Variants in APBB2 observed in about 807,000 individuals in gnomAD.
The protein encoded by APBB2 is amyloid beta precursor protein binding family B member 2.
Under a neutral mutation model 82.5 loss-of-function variants are expected in APBB2, and 38 were observed. The ratio of observed to expected loss-of-function variants is 0.46; its 90% CI spans 0.36 to 0.60. The LOEUF is 0.60. Ranked by LOEUF, APBB2 falls within the 20% of genes least tolerant of loss-of-function variation. APBB2 has a pLI of 0.00. For missense variants in APBB2, 772 were observed against 972.3 expected (o/e 0.79, Z 2.74); for synonymous variants, 341 against 368.2 (o/e 0.93, Z 0.85).
intron 10 of APBB2, among the ~76,000 whole-genome samples, chr4:40,926,918 G>GT (rs1274341043): frequency 1.3e-5 from 2 of 152,212 alleles, no homozygotes; most frequent in East Asian, 1.9e-4. Flanking sequence ...AAAATTGCAC[G>GT]TAAGTGCCTG....
chr4:41,026,802 T>C (rs1451952463), intron 5 of APBB2, among the ~76,000 whole-genome samples: 1 of 152,250 alleles, frequency 6.6e-6, no homozygotes, highest in Non-Finnish European at 1.5e-5. Context: ...TTTTCTTCTA[T>C]GGATATGTAA....
intron 12 of APBB2, among the ~76,000 whole-genome samples, chr4:40,889,543 G>A (rs528934732): frequency 4.6e-5 from 7 of 152,286 alleles, no homozygotes; most frequent in African/African-American, 7.2e-5. Flanking sequence ...CCTATAGCTC[G>A]TCCCTAAATG....
intron 2 of APBB2, among the ~76,000 whole-genome samples, chr4:41,128,622 C>T (rs776664692): frequency 1.3e-5 from 2 of 152,210 alleles, no homozygotes; most frequent in Non-Finnish European, 2.9e-5. Flanking sequence ...ATTAATTCCA[C>T]AAACAATGGC....
At chr4:41,204,145 G>A (rs1016684383) in intron 1 of APBB2, among the ~76,000 whole-genome samples, 18 of 152,226 alleles carry the variant, frequency 1.2e-4, no homozygotes, top group Non-Finnish European at 5.9e-5. Context: ...GATAAAAGCC[G>A]AAAGGCCAGA....
At chr4:41,081,081 T>C (rs2661668) in intron 3 of APBB2, among the ~76,000 whole-genome samples, 32,640 of 152,202 alleles carry the variant, frequency 0.21, 4,467 homozygotes, top group East Asian at 0.61. Context: ...GTCAGTTCTC[T>C]TGACGTATCT....
chr4:41,105,873 G>C (rs1421873353), intron 2 of APBB2, among the ~76,000 whole-genome samples: 1 of 136,416 alleles, frequency 7.3e-6, no homozygotes, highest in African/African-American at 2.7e-5. Context: ...GCGACAGAGC[G>C]AGACCCCGTC....
chr4:41,069,623 C>G (rs1332224693), intron 3 of APBB2, among the ~76,000 whole-genome samples: 1 of 152,188 alleles, frequency 6.6e-6, no homozygotes, highest in Non-Finnish European at 1.5e-5. Flanking sequence ...TGCCTACTAA[C>G]TGGAACACTC....
chr4:40,943,594 G>A (rs986322216), intron 7 of APBB2, among the ~76,000 whole-genome samples: 2 of 152,194 alleles, frequency 1.3e-5, no homozygotes, highest in African/African-American at 4.8e-5. Context: ...CTGAGACGGT[G>A]TTGGTTCATC....
chr4:41,113,067 T>G (rs757822605), intron 2 of APBB2, among the ~76,000 whole-genome samples: 9 of 152,124 alleles, frequency 5.9e-5, no homozygotes, highest in Non-Finnish European at 1.3e-4. Flanking sequence ...AACGAGCCAC[T>G]GTATGTCTAT....
chr4:41,057,563 C>T (rs1199421590), intron 4 of APBB2, among the ~76,000 whole-genome samples: 1 of 152,186 alleles, frequency 6.6e-6, no homozygotes, highest in Non-Finnish European at 1.5e-5. Context: ...ACAAACTGAC[C>T]TATCTTATGA....
At chr4:41,118,427 C>T (rs1027215553) in intron 2 of APBB2, among the ~76,000 whole-genome samples, 1 of 152,266 alleles carries the variant, frequency 6.6e-6, no homozygotes, top group South Asian at 2.1e-4. Context: ...ACCTTTACCA[C>T]CCATATCATG....
At chr4:41,156,997 C>G (rs1039286144) in intron 1 of APBB2, among the ~76,000 whole-genome samples, 2 of 147,638 alleles carry the variant, frequency 1.4e-5, no homozygotes, top group Admixed American at 1.4e-4. Flanking sequence ...ACCCAGGAGG[C>G]AGAGGTTGCA....
chr4:41,199,448 G>T (rs147766815), intron 1 of APBB2, among the ~76,000 whole-genome samples: 1 of 152,176 alleles, frequency 6.6e-6, no homozygotes, highest in Admixed American at 6.5e-5. Context: ...TCCAAGGGCA[G>T]TACTTATAAT....
chr4:40,968,193 CG>C (rs760007641), intron 6 of APBB2, among the ~76,000 whole-genome samples: 2 of 152,178 alleles, frequency 1.3e-5, no homozygotes, highest in Non-Finnish European at 2.9e-5. Flanking sequence ...TAACTGACTA[CG>C]GTCCCAGAGC....
intron 6 of APBB2, among the ~76,000 whole-genome samples, chr4:40,977,825 A>C (rs1797561932): frequency 6.6e-6 from 1 of 152,232 alleles, no homozygotes; most frequent in African/African-American, 2.4e-5. Flanking sequence ...CATTGCTGTC[A>C]CCTCAAAGAG....
At chr4:41,080,278 T>C (rs1021638490) in intron 3 of APBB2, among the ~76,000 whole-genome samples, 2 of 152,234 alleles carry the variant, frequency 1.3e-5, no homozygotes, top group African/African-American at 2.4e-5. Context: ...TATCTGCATA[T>C]GCCTCAGGCT....
At chr4:40,906,015 C>G (rs927529183) in intron 10 of APBB2, among the ~76,000 whole-genome samples, 7 of 152,104 alleles carry the variant, frequency 4.6e-5, no homozygotes, top group Admixed American at 1.3e-4. Flanking sequence ...GATTTGGCTT[C>G]TAATTTAAGA....
chr4:41,111,007 G>C (rs1464364959), intron 2 of APBB2, among the ~76,000 whole-genome samples: 1 of 152,170 alleles, frequency 6.6e-6, no homozygotes, highest in East Asian at 1.9e-4. Flanking sequence ...ATCCCATCTG[G>C]GGGTGATGGG....
chr4:41,091,334 C>T (rs536633924), intron 3 of APBB2, among the ~76,000 whole-genome samples: 1 of 144,132 alleles, frequency 6.9e-6, no homozygotes, highest in South Asian at 2.1e-4. Context: ...ACGTCCAAAG[C>T]AGCCCAAACA....
Sources: gnomAD v4.1 joint callset for allele counts (sites outside exome capture counted in the v4.1 genomes callset) on GRCh38, gnomAD v4.1.1 for gene constraint, MANE v1.5 for transcripts, NCBI Gene and HGNC (gene_info 2026-07-23, HGNC 2026-07-21) for gene names.